NOM1: variants seen among roughly 807,000 people sequenced by gnomAD.
The protein encoded by NOM1 is nucleolar MIF4G domain-containing protein 1.
Under a neutral mutation model 73.3 loss-of-function variants are expected in NOM1, and 58 were observed. That is an observed-to-expected ratio of 0.79 (90% confidence interval 0.64 to 0.99). The LOEUF (loss-of-function observed/expected upper bound fraction) is 0.99, where lower values mean the gene tolerates loss of function less well. NOM1 is among the 50% of genes least tolerant of loss of function. The pLI is 0.00. For missense variants in NOM1, 1,226 were observed against 1,131.9 expected (o/e 1.08, Z -1.19); for synonymous variants, 487 against 446.8 (o/e 1.09, Z -1.14).
chr7:156,950,135 C>T lies in NOM1; in HGVS notation c.398C>T (p.Ala133Val), dbSNP rs1284496489. 2.5e-6 allele frequency: 4 copies of T among 1,570,844 alleles called. No homozygotes were observed. In the African/African-American group the frequency reaches 5.4e-5, roughly 21 times the overall value. Residue 133 changes from alanine (A) to valine (V), a missense_variant, in exon 1 of 11, where the codon GCC (alanine) becomes GTC (valine). Physicochemically the swap from Ala to Val is moderately conservative, Grantham distance 64 (BLOSUM62 0). Transcript: ENST00000275820. Reference protein sequence around the residue: ...RQDTEERARPAPSRDPSPPRK... With the variant: ...RQDTEERARPVPSRDPSPPRK... Reference sequence around the variant, plus strand: ...GACACGGAGGAGCGCGCCCGCCCAGCCCCTAGTCGGGACCCCTCGCCTCCC... The same window carrying T: ...GACACGGAGGAGCGCGCCCGCCCAGTCCCTAGTCGGGACCCCTCGCCTCCC...
At chr7:156,968,828 G>C in intron 9 of NOM1, 1 of 370,438 alleles carries the variant, frequency 2.7e-6, no homozygotes, top group Non-Finnish European at 4.9e-6. Flanking sequence ...TATGACCCGG[G>C]AATTCCACTT....
chr7:156,956,316 G>A (rs11982173), intron 3 of NOM1, among the ~76,000 whole-genome samples: 38,612 of 152,024 alleles, frequency 0.25, 5,148 homozygotes, highest in East Asian at 0.47. Flanking sequence ...ATGCTGTAAC[G>A]CGCACGGTCT....
At chr7:156,967,546 C>CG (rs1563686715) in intron 9 of NOM1, among the ~76,000 whole-genome samples, 1 of 152,006 alleles carries the variant, frequency 6.6e-6, no homozygotes, top group African/African-American at 2.4e-5. Flanking sequence ...TTTTCTTCCC[C>CG]CCCCAAGATG....
At position 156,962,991 on chromosome 7, in the gene NOM1, T is replaced by C; in HGVS notation, c.1744-17T>C. The C allele has an allele frequency of 6.2e-7, 1 of 1,604,910 alleles. No individual in the cohort carries two copies. Among genetic ancestry groups the C allele is most frequent in the Non-Finnish European group, 8.5e-7 (1 of 1,172,794 alleles). On this transcript the variant is annotated splice_polypyrimidine_tract_variant and intron_variant, in intron 5 of 10. Coordinates refer to ENST00000275820, the MANE Select transcript of NOM1 (RefSeq NM_138400.2). ...AACCAATTAAAAGCATTTCATTAGC[T>C]CTTCTCTCTTCATCAGGTCCGCAAC...
chr7:156,965,985 A>G (rs1303605114), intron 7 of NOM1, among the ~76,000 whole-genome samples: 1 of 152,170 alleles, frequency 6.6e-6, no homozygotes, highest in Admixed American at 6.5e-5. Flanking sequence ...CGATTGAGTC[A>G]GTTTATTGTC....
intron 3 of NOM1, among the ~76,000 whole-genome samples, chr7:156,956,959 G>A (rs778558451): frequency 1.3e-5 from 2 of 152,156 alleles, no homozygotes; most frequent in East Asian, 3.9e-4. Flanking sequence ...TCTTAGTATA[G>A]GCAGTATCTC....
At chr7:156,961,385 G>T (rs55687578) in intron 4 of NOM1, among the ~76,000 whole-genome samples, 2 of 151,962 alleles carry the variant, frequency 1.3e-5, no homozygotes, top group African/African-American at 4.8e-5. Flanking sequence ...AGTCTGAAGA[G>T]GAGGGGGCTG....
rs1805013088 is a variant in NOM1, at chr7:156,966,947, A to G, written c.2167-14A>G. The stretch of plus-strand genomic sequence containing the variant: ...GGCCGTTTGCCTTTTTTCTCCTTTT[A>G]ACTATGATACTAGATGACTTTCCAG... On this transcript the variant is annotated splice_polypyrimidine_tract_variant and intron_variant, in intron 8 of 10. Coordinates refer to ENST00000275820, the MANE Select transcript of NOM1 (RefSeq NM_138400.2). The G allele has an allele frequency of 1.2e-6, 2 of 1,600,306 alleles. No homozygotes were observed. The highest frequency in any genetic ancestry group is 1.7e-6 in the Non-Finnish European group (2 of 1,175,546).
At chr7:156,966,861 AATAAG>A in intron 8 of NOM1, 95 bp from the exon 9 acceptor site, 5 of 1,285,242 alleles carry the variant, frequency 3.9e-6, no homozygotes, top group Admixed American at 4.8e-5. Flanking sequence ...GAATATTAAA[AATAAG>A]ATAATAAGAA....
intron 2 of NOM1, 120 bp downstream of exon 2, chr7:156,952,718 TTC>T: frequency 5.2e-6 from 6 of 1,148,272 alleles, no homozygotes; most frequent in Non-Finnish European, 6.1e-6. Context: ...ATCCTTTCTG[TTC>T]TTGGCTTGAT....
intron 7 of NOM1, chr7:156,966,068 C>T (rs997469009): frequency 4.9e-6 from 3 of 612,362 alleles, no homozygotes; most frequent in Non-Finnish European, 8.5e-6. Flanking sequence ...TGACATTTTG[C>T]CACATTGTAG....
At chr7:156,964,152 AC>A in intron 7 of NOM1, 126 bp downstream of exon 7, 1 of 934,080 alleles carries the variant, frequency 1.1e-6, no homozygotes, top group Non-Finnish European at 1.6e-6. Context: ...TGTTCTCATG[AC>A]CATCCGCTCA....
Position 156,971,575 on chromosome 7 carries a change from T to TG in NOM1, c.*1873dup, listed in dbSNP as rs35889324. 77,410 of 151,706 alleles carry TG rather than the reference T, an allele frequency of 0.51. 20,084 individuals carry two copies. Among genetic ancestry groups the TG allele is most frequent in the Middle Eastern group, 0.62 (182 of 292 alleles). The allele number at this position is 151,706 out of a possible 1,614,324, so 9.4% of individuals were successfully genotyped here. A position where few individuals can be genotyped will look rare whatever the true frequency, so the allele number is the denominator to read the frequency against. ...GTATGTTATACAGGCTGGCCTCAAG[T>TG]GATCCTCTTACCTTGGCCTCCCAAA... On this transcript the variant is annotated 3_prime_UTR_variant, in exon 11 of 11. Coordinates refer to ENST00000275820, the MANE Select transcript of NOM1 (RefSeq NM_138400.2).
In NOM1 at chr7:156,949,715, C is replaced by A; in HGVS notation, c.-23C>A. On this transcript the variant is annotated 5_prime_UTR_variant, in exon 1 of 11. Coordinates refer to ENST00000275820, the MANE Select transcript of NOM1 (RefSeq NM_138400.2). Reference sequence around the variant, plus strand: ...CGGAAGTCCCGCCTCGGCCGGAAGTCGTGCGTCCACGCGTTTCGAAAGATG... The same window carrying A: ...CGGAAGTCCCGCCTCGGCCGGAAGTAGTGCGTCCACGCGTTTCGAAAGATG... The A allele has an allele frequency of 7.6e-7, 1 of 1,311,062 alleles. No individual in the cohort carries two copies. Among genetic ancestry groups the A allele is most frequent in the South Asian group, 2.3e-5 (1 of 42,860 alleles). 81.2% of individuals were successfully genotyped at this position (1,311,062 alleles called of 1,614,324 possible).
rs927916370 is a variant in NOM1, at chr7:156,963,186, C to T, written c.1911+11C>T. 6.2e-7 allele frequency: 1 copy of T among 1,613,752 alleles called. No homozygotes were observed. Among genetic ancestry groups the T allele is most frequent in the African/African-American group, 1.3e-5 (1 of 74,906 alleles). Reference sequence around the variant, plus strand: ...CAGCTTGTGGGGACGGTAGGGACACCCATGCTCAAGGCTGCCAGGCAGAGG... The same window carrying T: ...CAGCTTGTGGGGACGGTAGGGACACTCATGCTCAAGGCTGCCAGGCAGAGG... On this transcript the variant is annotated intron_variant, in intron 6 of 10. Coordinates refer to ENST00000275820, the MANE Select transcript of NOM1 (RefSeq NM_138400.2).
rs78789623 is a variant in NOM1, at chr7:156,968,451, T to C, written c.2299-636T>C. Among the ~76,000 whole-genome samples the C allele has an allele frequency of 4.6e-3, 697 of 152,206 alleles. 19 individuals are homozygous for C. In the East Asian group the frequency reaches 0.075, roughly 16 times the overall value. The stretch of plus-strand genomic sequence containing the variant: ...GATGGTGTTTGGCTGCGCACCTCCC[T>C]GTGGGTAGCATTCCCGTCACCATGC... On this transcript the variant is annotated intron_variant, in intron 9 of 10. Coordinates refer to ENST00000275820, the MANE Select transcript of NOM1 (RefSeq NM_138400.2).
In NOM1 at chr7:156,963,145, T is replaced by C. The variant is rs2134790815; in HGVS notation, c.1881T>C (p.His627=). ...CCCCGATGATCGACAACAGTCACCA[T>C]ACGCACCTGCAGAAGCAGCTTGTGG... ...SGAPMIDNSH[H]THLQKQLVGT... Residue 627 remains histidine (H), a synonymous_variant, in exon 6 of 11, where the codon CAT becomes CAC. Coordinates refer to ENST00000275820, the MANE Select transcript of NOM1 (RefSeq NM_138400.2). 1 of 1,614,154 alleles carries C rather than the reference T, an allele frequency of 6.2e-7. No homozygotes were observed. The highest frequency in any genetic ancestry group is 8.5e-7 in the Non-Finnish European group (1 of 1,180,034).
chr7:156,955,407 AG>A (rs1324046807), intron 3 of NOM1, among the ~76,000 whole-genome samples: 1 of 152,230 alleles, frequency 6.6e-6, no homozygotes, highest in Admixed American at 6.5e-5. Flanking sequence ...GGGTTGGGTC[AG>A]TGAGGCTTAG....
At chr7:156,961,464 GGGCTGGGGAGCT>G (rs1804862968) in intron 4 of NOM1, among the ~76,000 whole-genome samples, 3 of 152,262 alleles carry the variant, frequency 2.0e-5, no homozygotes, top group South Asian at 2.1e-4. Flanking sequence ...GTACATTAGT[GGGCTGGGGAGCT>G]GGCTGGGGAG....
Sources: gnomAD v4.1 joint callset for allele counts (sites outside exome capture counted in the v4.1 genomes callset) on GRCh38, gnomAD v4.1.1 for gene constraint, MANE v1.5 for transcripts, NCBI Gene and HGNC (gene_info 2026-07-23, HGNC 2026-07-21) for gene names.